BICC1: variants seen among roughly 807,000 people sequenced by gnomAD.
The protein encoded by BICC1 is protein bicaudal C homolog 1.
BICC1 carries 43 observed loss-of-function variants against 111.0 expected under a neutral mutation model. The observed-to-expected ratio is 0.39, with a 90% CI of 0.30 to 0.50. The LOEUF (loss-of-function observed/expected upper bound fraction) is 0.50, where lower values mean the gene tolerates loss of function less well. BICC1 is among the 20% of genes least tolerant of loss of function. BICC1 has a pLI of 0.88. For missense variants in BICC1, 1,091 were observed against 1,203.2 expected, an observed-to-expected ratio of 0.91 and a Z score of 1.38; for synonymous variants, 467 against 434.4, an observed-to-expected ratio of 1.07 and a Z score of -0.93.
At chr10:58,695,802 T>A (rs1840050263) in intron 2 of BICC1, among the ~76,000 whole-genome samples, 1 of 152,232 alleles carries the variant, frequency 6.6e-6, no homozygotes. Flanking sequence ...CCACATGGTA[T>A]ACTAATCTGG....
At chr10:58,741,488 AT>A (rs1841662562) in intron 3 of BICC1, among the ~76,000 whole-genome samples, 1 of 152,202 alleles carries the variant, frequency 6.6e-6, no homozygotes, top group Admixed American at 6.5e-5. Flanking sequence ...TGCTCTATTT[AT>A]ATTATTTCTC....
chr10:58,649,813 T>G (rs1838386969), intron 2 of BICC1, among the ~76,000 whole-genome samples: 1 of 151,138 alleles, frequency 6.6e-6, no homozygotes, highest in Non-Finnish European at 1.5e-5. Flanking sequence ...TTCTTTTGCA[T>G]GTATAGGAAC....
chr10:58,694,767 A>C (rs1840021060), intron 2 of BICC1, among the ~76,000 whole-genome samples: 1 of 152,126 alleles, frequency 6.6e-6, no homozygotes, highest in Non-Finnish European at 1.5e-5. Context: ...TTTGGGGGCT[A>C]TCTCTGGGTC....
chr10:58,587,129 A>G (rs1844457893), intron 1 of BICC1, among the ~76,000 whole-genome samples: 1 of 152,174 alleles, frequency 6.6e-6, no homozygotes, highest in South Asian at 2.1e-4. Context: ...TGCCTCATGC[A>G]TATTTAGTGC....
chr10:58,597,779 G>A (rs889547005), intron 1 of BICC1, among the ~76,000 whole-genome samples: 13 of 151,774 alleles, frequency 8.6e-5, no homozygotes, highest in Non-Finnish European at 1.3e-4. Context: ...TTGCACATCC[G>A]TTTATAGGCT....
chr10:58,660,865 A>G (rs898508122), intron 2 of BICC1, among the ~76,000 whole-genome samples: 1 of 152,212 alleles, frequency 6.6e-6, no homozygotes, highest in Non-Finnish European at 1.5e-5. Flanking sequence ...TAACATTTAC[A>G]CACATTATGT....
intron 9 of BICC1, among the ~76,000 whole-genome samples, chr10:58,794,645 C>T (rs1221690658): frequency 6.6e-6 from 1 of 152,090 alleles, no homozygotes; most frequent in Non-Finnish European, 1.5e-5. Flanking sequence ...GTCTTGAACT[C>T]CTGCGCTCAA....
chr10:58,625,903 G>T (rs1191788782), intron 2 of BICC1, among the ~76,000 whole-genome samples: 1 of 152,098 alleles, frequency 6.6e-6, no homozygotes, highest in Non-Finnish European at 1.5e-5. Flanking sequence ...TTTCGAGTGG[G>T]TTATTTCCTC....
chr10:58,795,668 C>G (rs1355873466), intron 9 of BICC1, among the ~76,000 whole-genome samples: 2 of 149,736 alleles, frequency 1.3e-5, no homozygotes, highest in Non-Finnish European at 3.0e-5. Context: ...TTTTTTTGGT[C>G]CATTGAGGGC....
intron 3 of BICC1, among the ~76,000 whole-genome samples, chr10:58,719,317 C>A (rs1295388535): frequency 6.6e-6 from 1 of 152,278 alleles, no homozygotes; most frequent in African/African-American, 2.4e-5. Context: ...CTACTTTACA[C>A]CTGGGTTGTG....
At chr10:58,608,415 GAA>G (rs1288459340) in intron 1 of BICC1, among the ~76,000 whole-genome samples, 1 of 152,044 alleles carries the variant, frequency 6.6e-6, no homozygotes, top group African/African-American at 2.4e-5. Context: ...CTGAGGCATT[GAA>G]AAAAGAAAAC....
chr10:58,666,342 A>G (rs190388426), intron 2 of BICC1, among the ~76,000 whole-genome samples: 44 of 152,290 alleles, frequency 2.9e-4, no homozygotes, highest in African/African-American at 8.9e-4. Context: ...TCAGGTGCAT[A>G]TTACTAAGTT....
At chr10:58,735,368 G>A (rs1027401568) in intron 3 of BICC1, among the ~76,000 whole-genome samples, 1 of 152,168 alleles carries the variant, frequency 6.6e-6, no homozygotes, top group Admixed American at 6.5e-5. Flanking sequence ...CATGCTGCAT[G>A]CTGTTAAAGC....
At chr10:58,717,725 A>C (rs1840792795) in intron 3 of BICC1, among the ~76,000 whole-genome samples, 1 of 152,158 alleles carries the variant, frequency 6.6e-6, no homozygotes, top group African/African-American at 2.4e-5. Flanking sequence ...ACTTTTACAC[A>C]TTTTTTATGT....
chr10:58,595,465 G>GTA (rs925477358), intron 1 of BICC1, among the ~76,000 whole-genome samples: 1 of 152,150 alleles, frequency 6.6e-6, no homozygotes, highest in Non-Finnish European at 1.5e-5. Flanking sequence ...GTAATTGGAA[G>GTA]TAAAACACTC....
intron 3 of BICC1, among the ~76,000 whole-genome samples, chr10:58,763,984 A>G (rs1256134439): frequency 6.6e-6 from 1 of 152,048 alleles, no homozygotes; most frequent in African/African-American, 2.4e-5. Context: ...TCAAATGAAG[A>G]CTCACAGGCA....
At chr10:58,612,510 C>G (rs1378735962) in intron 1 of BICC1, among the ~76,000 whole-genome samples, 2 of 150,728 alleles carry the variant, frequency 1.3e-5, no homozygotes, top group African/African-American at 2.4e-5. Flanking sequence ...TATTTTTGCA[C>G]AAGAATCAGG....
At chr10:58,564,515 A>AT (rs1313551234) in intron 1 of BICC1, among the ~76,000 whole-genome samples, 1 of 152,174 alleles carries the variant, frequency 6.6e-6, no homozygotes, top group African/African-American at 2.4e-5. Flanking sequence ...CAAGAGGTTG[A>AT]TTTTTTGAAC....
At chr10:58,808,325 A>C (rs534795661) in intron 17 of BICC1, among the ~76,000 whole-genome samples, 1 of 152,192 alleles carries the variant, frequency 6.6e-6, no homozygotes, top group Non-Finnish European at 1.5e-5. Context: ...GTTAACAGAG[A>C]CCATAAAACT....
Sources: gnomAD v4.1 joint callset for allele counts (sites outside exome capture counted in the v4.1 genomes callset) on GRCh38, gnomAD v4.1.1 for gene constraint, MANE v1.5 for transcripts, NCBI Gene and HGNC (gene_info 2026-07-23, HGNC 2026-07-21) for gene names.